LCORL: variants seen among roughly 807,000 people sequenced by gnomAD.
The protein encoded by LCORL is ligand-dependent nuclear receptor corepressor-like protein.
LCORL carries 41 observed loss-of-function variants against 141.8 expected under a neutral mutation model. That is an observed-to-expected ratio of 0.29 (90% CI 0.23 to 0.38). The LOEUF is 0.38. LCORL is among the 10% of genes least tolerant of loss of function. The pLI is 1.00. For synonymous variants in LCORL, 618 were observed against 694.1 expected (o/e 0.89, Z 1.72); for missense variants, 1,759 against 2,035.0 (o/e 0.86, Z 2.61).
Position 18,021,585 on chromosome 4 carries a change from G to A in LCORL, c.154+13C>T. The A allele has an allele frequency of 3.3e-6, 5 of 1,516,448 alleles. No individual in the cohort carries two copies. The South Asian group carries it at 6.1e-5, about 19-fold the overall frequency. The allele number at this position is 1,516,448 out of a possible 1,614,324, so 93.9% of individuals were successfully genotyped here. A position where few individuals can be genotyped will look rare whatever the true frequency, so the allele number is the denominator to read the frequency against. ...CGCGCGGAGCCCGGGGCCCCGGCCCGCGTCTCTCTTACCTACACAGTGCAT... is the reference window on the plus strand; with the variant it reads ...CGCGCGGAGCCCGGGGCCCCGGCCCACGTCTCTCTTACCTACACAGTGCAT... On this transcript the variant is annotated intron_variant, in intron 1 of 7. Coordinates refer to ENST00000635767, the Ensembl canonical transcript of LCORL. This position sits in a 1 kb window ranked among gnomAD's most constrained non-coding sequence, Gnocchi z 5.5.
rs190593807 is a variant in LCORL, at chr4:17,856,109, A to G, written c.5603-10208T>C. On this transcript the variant is annotated intron_variant, in intron 7 of 7. Transcript: ENST00000635767. Reference sequence around the variant, plus strand: ...CTTAAACGATTCCAGTATGGCTTCTAGTGCTTTTACTCCATTAAAATAGCA... The same window carrying G: ...CTTAAACGATTCCAGTATGGCTTCTGGTGCTTTTACTCCATTAAAATAGCA... 1.9e-3 allele frequency among the ~76,000 whole-genome samples: 289 copies of G among 152,324 alleles called. 1 individual carries two copies. The highest frequency in any genetic ancestry group is 6.8e-3 in the African/African-American group (281 of 41,588).
intron 1 of LCORL, among the ~76,000 whole-genome samples, chr4:18,012,230 T>G (rs1202485470): frequency 6.6e-6 from 1 of 152,212 alleles, no homozygotes; most frequent in Non-Finnish European, 1.5e-5. Flanking sequence ...AAAAGTCATT[T>G]TTCATTCACG....
intron 1 of LCORL, among the ~76,000 whole-genome samples, chr4:18,007,440 A>G (rs1577717834): frequency 6.6e-6 from 1 of 152,178 alleles, no homozygotes; most frequent in Admixed American, 6.5e-5. Context: ...ATGGACTCAT[A>G]TAAGGAAACC....
At chr4:17,861,141 G>C (rs958228155) in intron 7 of LCORL, among the ~76,000 whole-genome samples, 1 of 152,194 alleles carries the variant, frequency 6.6e-6, no homozygotes, top group South Asian at 2.1e-4. Context: ...GACTCTGTGT[G>C]GGGGCTGTGA....
intron 4 of LCORL, among the ~76,000 whole-genome samples, chr4:17,942,353 GA>G (rs950981760): frequency 3.9e-5 from 6 of 152,072 alleles, no homozygotes; most frequent in African/African-American, 1.4e-4. Flanking sequence ...AAAGCAAGCA[GA>G]AAGGTAAACT....
chr4:17,999,302 A>G (rs1721527693), intron 1 of LCORL, among the ~76,000 whole-genome samples: 1 of 151,832 alleles, frequency 6.6e-6, no homozygotes, highest in South Asian at 2.1e-4. Context: ...AAATACAAAA[A>G]AATTAGCCGG....
At chr4:17,906,688 CTTT>C (rs36083281) in intron 5 of LCORL, among the ~76,000 whole-genome samples, 5 of 133,978 alleles carry the variant, frequency 3.7e-5, no homozygotes, top group Admixed American at 7.5e-5. Context: ...TTTAAAATGC[CTTT>C]TTTTTTTTTT....
chr4:17,843,433 G>T lies in LCORL; in HGVS notation c.*2455C>A, dbSNP rs775104185. On this transcript the variant is annotated 3_prime_UTR_variant, in exon 8 of 8. Coordinates refer to ENST00000635767, the Ensembl canonical transcript of LCORL. ...AATGAAGATCTAAGTTAGGAAAGACGATGGAGGTGGAATCCTTTAAGATTA... is the reference window on the plus strand; with the variant it reads ...AATGAAGATCTAAGTTAGGAAAGACTATGGAGGTGGAATCCTTTAAGATTA... The T allele has an allele frequency of 3.1e-6, 5 of 1,610,016 alleles. No individual in the cohort carries two copies. The South Asian group carries it at 5.5e-5, about 18-fold the overall frequency.
At chr4:17,893,796 G>GTTAT (rs1031661208) in intron 5 of LCORL, among the ~76,000 whole-genome samples, 3 of 152,090 alleles carry the variant, frequency 2.0e-5, no homozygotes, top group Non-Finnish European at 4.4e-5. Flanking sequence ...TGATTCTAAG[G>GTTAT]TTATTTATTT....
chr4:17,970,879 C>G (rs1434924524), intron 2 of LCORL, among the ~76,000 whole-genome samples: 1 of 152,042 alleles, frequency 6.6e-6, no homozygotes, highest in African/African-American at 2.4e-5. Context: ...TATGAGAACC[C>G]AAATAAAATT....
intron 4 of LCORL, among the ~76,000 whole-genome samples, chr4:17,917,175 G>A (rs995152895): frequency 2.0e-5 from 3 of 151,602 alleles, no homozygotes; most frequent in Admixed American, 1.3e-4. Context: ...GTTTCACCAC[G>A]TTGGCCAGGC....
At chr4:17,895,987 A>G (rs936116136) in intron 5 of LCORL, among the ~76,000 whole-genome samples, 6 of 152,186 alleles carry the variant, frequency 3.9e-5, no homozygotes, top group African/African-American at 1.4e-4. Context: ...ATTATGAATA[A>G]TGCTGTTATA....
At chr4:17,846,909 C>A (rs887510646) in intron 7 of LCORL, among the ~76,000 whole-genome samples, 22 of 152,146 alleles carry the variant, frequency 1.4e-4, no homozygotes, top group African/African-American at 5.3e-4. Flanking sequence ...AGTCTGATAA[C>A]CCCCTCTAGA....
Position 17,873,771 on chromosome 4 carries a change from CTG to C in LCORL, c.5217_5218del (p.His1739GlnfsTer5). On this transcript the variant is annotated frameshift_variant, in exon 7 of 8. Coordinates refer to ENST00000635767, the Ensembl canonical transcript of LCORL. LOFTEE classifies it high-confidence loss of function. ...GATTGTATTTAGCTTAAAAGTATTTCTGTGTTCAAGACAGTTGAGCTTCCTCA... is the reference window on the plus strand; with the variant it reads ...GATTGTATTTAGCTTAAAAGTATTTCTGTTCAAGACAGTTGAGCTTCCTCA... 1 of 1,234,050 alleles carries C rather than the reference CTG, an allele frequency of 8.1e-7. No homozygotes were observed. The highest frequency in any genetic ancestry group is 1.0e-6 in the Non-Finnish European group (1 of 987,966). The allele number at this position is 1,234,050 out of a possible 1,614,324, so 76.4% of individuals were successfully genotyped here. A position where few individuals can be genotyped will look rare whatever the true frequency, so the allele number is the denominator to read the frequency against.
At chr4:17,922,919 C>A (rs185404304) in intron 4 of LCORL, among the ~76,000 whole-genome samples, 1 of 152,168 alleles carries the variant, frequency 6.6e-6, no homozygotes, top group Non-Finnish European at 1.5e-5. Flanking sequence ...AGCATTTCCA[C>A]CTTTGTCTGA....
At chr4:17,995,755 C>T (rs892950068) in intron 1 of LCORL, among the ~76,000 whole-genome samples, 5 of 152,188 alleles carry the variant, frequency 3.3e-5, no homozygotes, top group South Asian at 4.1e-4. Flanking sequence ...CTCTCATTAG[C>T]GTCCCCTGAG....
At chr4:17,956,556 GACATATATC>G (rs1312745115) in intron 4 of LCORL, among the ~76,000 whole-genome samples, 2 of 151,852 alleles carry the variant, frequency 1.3e-5, no homozygotes, top group Non-Finnish European at 2.9e-5. Context: ...GGCACAAAAA[GACATATATC>G]ACATGTTCTC....
At chr4:17,922,505 A>G (rs1734457769) in intron 4 of LCORL, among the ~76,000 whole-genome samples, 1 of 152,214 alleles carries the variant, frequency 6.6e-6, no homozygotes, top group Admixed American at 6.5e-5. Context: ...CACTAGAGAA[A>G]GTGATGAAAG....
intron 1 of LCORL, among the ~76,000 whole-genome samples, chr4:18,012,959 A>C (rs922460534): frequency 6.6e-6 from 1 of 152,160 alleles, no homozygotes; most frequent in African/African-American, 2.4e-5. Context: ...ATAGCTCTTA[A>C]ATTAGTTTAC....
Sources: gnomAD v4.1 joint callset for allele counts (sites outside exome capture counted in the v4.1 genomes callset) on GRCh38, gnomAD v4.1.1 for gene constraint, Gnocchi (gnomAD v3.1) non-coding constraint, MANE v1.5 for transcripts, NCBI Gene and HGNC (gene_info 2026-07-23, HGNC 2026-07-21) for gene names.